Variants in IFI27 observed in about 807,000 individuals in gnomAD.
The protein encoded by IFI27 is interferon alpha inducible protein 27.
A neutral mutation model predicts 8.9 loss-of-function variants in IFI27; 3 were observed. The observed-to-expected ratio is 0.34, with a 90% CI of 0.15 to 0.87. The LOEUF is 0.87. Ranked by LOEUF, IFI27 falls within the 40% of genes least tolerant of loss-of-function variation. The pLI, the probability that IFI27 is intolerant of heterozygous loss-of-function variation, is 0.51. For missense variants in IFI27, 152 were observed against 157.7 expected, an observed-to-expected ratio of 0.96 and a Z score of 0.19; for synonymous variants, 66 against 67.3, an observed-to-expected ratio of 0.98 and a Z score of 0.09.
rs1480663104 is a variant in IFI27 at position 94,111,479 on chromosome 14, C to T, written c.-58-146C>T. On this transcript the variant is annotated intron_variant, in intron 1 of 4. Coordinates refer to ENST00000621160, the Ensembl canonical transcript of IFI27. This position sits in a 1 kb window ranked among gnomAD's most constrained non-coding sequence, Gnocchi z 4.3. The stretch of plus-strand genomic sequence containing the variant: ...AACTCCCCAACATCCCTCCCTCCCT[C>T]ACCCCAGGATCCTTTCAAGGCCTGC... 4 of 578,984 alleles carry T rather than the reference C, an allele frequency of 6.9e-6. No individual in the cohort carries two copies. Among genetic ancestry groups the T allele is most frequent in the African/African-American group, 3.7e-5 (2 of 53,624 alleles). 35.9% of individuals were successfully genotyped at this position (578,984 alleles called of 1,614,324 possible). A position where few individuals can be genotyped will look rare whatever the true frequency, so the allele number is the denominator to read the frequency against.
chr14:94,108,896 G>C (rs148701794), upstream of IFI27, among the ~76,000 whole-genome samples: 1 of 152,308 alleles, frequency 6.6e-6, no homozygotes, highest in East Asian at 1.9e-4. Flanking sequence ...AAAGGAAAAA[G>C]CTGGGGATTT....
At position 94,111,954 on chromosome 14, in the gene IFI27, C is replaced by T. The variant is rs1353374770; in HGVS notation, c.91+181C>T. 5 of 645,020 alleles carry T rather than the reference C, an allele frequency of 7.8e-6. No homozygotes were observed. The East Asian group carries it at 1.4e-4, about 18-fold the overall frequency. The allele number at this position is 645,020 out of a possible 1,614,324, so 40.0% of individuals were successfully genotyped here. On this transcript the variant is annotated intron_variant, in intron 2 of 4. Transcript: ENST00000621160. This position sits in a 1 kb window ranked among gnomAD's most constrained non-coding sequence, Gnocchi z 4.3. ...CATCTGGGAGGGGGCCCGGGGCAGG[C>T]AGACTCTGGCCAGATGCCCAGCCCT...
Position 94,111,890 on chromosome 14 carries a change from T to C in IFI27, c.91+117T>C. The C allele has an allele frequency of 2.4e-6, 2 of 823,884 alleles. No individual in the cohort carries two copies. The highest frequency in any genetic ancestry group is 4.1e-6 in the Non-Finnish European group (2 of 482,756). The allele number at this position is 823,884 out of a possible 1,614,324, so 51.0% of individuals were successfully genotyped here. Reference sequence around the variant, plus strand: ...GGGGACACCCGCAGCCTTGCTGCCCTGTCCTGTCTTCTCACAGCAGGCGTC... The same window carrying C: ...GGGGACACCCGCAGCCTTGCTGCCCCGTCCTGTCTTCTCACAGCAGGCGTC... On this transcript the variant is annotated intron_variant, in intron 2 of 4. Transcript: ENST00000621160. The surrounding 1 kb of genome is among the most constrained non-coding windows in gnomAD (Gnocchi z 4.3).
rs940730750 is a variant in IFI27, at chr14:94,116,326, G to T, written c.284-116G>T. 1.4e-6 allele frequency: 1 copy of T among 728,152 alleles called. No homozygotes were observed. The allele number at this position is 728,152 out of a possible 1,614,324, so 45.1% of individuals were successfully genotyped here. On this transcript the variant is annotated intron_variant, in intron 4 of 4. Transcript: ENST00000621160. The surrounding 1 kb of genome is among the most constrained non-coding windows in gnomAD (Gnocchi z 4.3). ...GGAAACAGAGAGGGGAACTGGGTGGGGTCTGTAAGCCTCAGCCCCTGCTGA... is the reference window on the plus strand; with the variant it reads ...GGAAACAGAGAGGGGAACTGGGTGGTGTCTGTAAGCCTCAGCCCCTGCTGA...
rs1887320308 is a variant in IFI27, at chr14:94,114,681, C to T, written c.92-170C>T. The T allele has an allele frequency of 2.0e-5, 13 of 658,288 alleles. No homozygotes were observed. In the East Asian group the frequency reaches 3.5e-4, roughly 18 times the overall value. 40.8% of individuals were successfully genotyped at this position (658,288 alleles called of 1,614,324 possible). ...CTCCCCAGTGATCCTCACCCTCCTC[C>T]AGAATTTCCACTTCCCGAAATGAAG... On this transcript the variant is annotated intron_variant, in intron 2 of 4. Coordinates refer to ENST00000621160, the Ensembl canonical transcript of IFI27.
At chr14:94,107,842 TC>T (rs1290869341), upstream of IFI27, among the ~76,000 whole-genome samples, 2 of 152,236 alleles carry the variant, frequency 1.3e-5, no homozygotes, top group African/African-American at 4.8e-5. Flanking sequence ...TGGAGGAATT[TC>T]TTTTTTTTAA....
intron 3 of IFI27, 43 bp downstream of exon 3, chr14:94,114,923 G>A (rs369478696): frequency 1.3e-6 from 2 of 1,592,292 alleles, no homozygotes; most frequent in Admixed American, 1.7e-5. Context: ...CCTGCCCCTA[G>A]GGAGGTGGAC....
chr14:94,115,307 C>G (rs1283748884), intron 3 of IFI27: 2 of 524,988 alleles, frequency 3.8e-6, no homozygotes, highest in Non-Finnish European at 7.3e-6. Flanking sequence ...GCTCAGCTCC[C>G]TTTGGTTTAG....
chr14:94,116,080 T>C lies in IFI27; in HGVS notation c.283+138T>C, dbSNP rs1887397178. 3 of 1,000,452 alleles carry C rather than the reference T, an allele frequency of 3.0e-6. No homozygotes were observed. The highest frequency in any genetic ancestry group is 1.6e-5 in the African/African-American group (1 of 63,012). The allele number at this position is 1,000,452 out of a possible 1,614,324, so 62.0% of individuals were successfully genotyped here. Reference sequence around the variant, plus strand: ...TCTCTACACATTCTCTCAGGGTTTCTCTGAGGGAGATGGAGGAGGGAGGGA... The same window carrying C: ...TCTCTACACATTCTCTCAGGGTTTCCCTGAGGGAGATGGAGGAGGGAGGGA... On this transcript the variant is annotated intron_variant, in intron 4 of 4. Transcript: ENST00000621160. This position sits in a 1 kb window ranked among gnomAD's most constrained non-coding sequence, Gnocchi z 4.3.
At chr14:94,114,186 T>A (rs1567079195) in intron 2 of IFI27, 1 of 152,298 alleles carries the variant, frequency 6.6e-6, no homozygotes, top group Admixed American at 6.5e-5. Flanking sequence ...TGCTCTCATG[T>A]GGCATTCAAG....
chr14:94,116,140 ACT>A lies in IFI27; in HGVS notation c.283+200_283+201del. On this transcript the variant is annotated intron_variant, in intron 4 of 4. Coordinates refer to ENST00000621160, the Ensembl canonical transcript of IFI27. This position sits in a 1 kb window ranked among gnomAD's most constrained non-coding sequence, Gnocchi z 4.3. ...AGCCAGGAACAGTGCACTCAGGAAG[ACT>A]CAGCCCGAAGCAGATTTGCTGGGTT... 1.3e-6 allele frequency: 1 copy of A among 761,938 alleles called. No individual in the cohort carries two copies. The highest frequency in any genetic ancestry group is 2.3e-6 in the Non-Finnish European group (1 of 440,486). 47.2% of individuals were successfully genotyped at this position (761,938 alleles called of 1,614,324 possible).
At chr14:94,115,784 TGGCCATGGC>T (rs3064076) in exon 4 of IFI27, 596,430 of 1,606,880 alleles carry the variant, frequency 0.37, 113,199 homozygotes, top group Admixed American at 0.42. Context: ...CCTGCAGTTG[TGGCCATGGC>T]GGCTGTGCCC....
upstream of IFI27, among the ~76,000 whole-genome samples, chr14:94,107,434 C>G (rs1355955979): frequency 2.6e-5 from 4 of 152,140 alleles, no homozygotes; most frequent in East Asian, 5.8e-4. Flanking sequence ...TTTTGGTATA[C>G]TCTGAATGTT....
chr14:94,114,824 C>T (rs1325230260), intron 2 of IFI27, 27 bp from the exon 3 acceptor site: 1 of 1,613,364 alleles, frequency 6.2e-7, no homozygotes, highest in African/African-American at 1.3e-5. Flanking sequence ...TGTGGATCTA[C>T]TCACAGAATG....
In IFI27 at chr14:94,115,961, C is replaced by T; in HGVS notation, c.283+19C>T. 1 of 1,559,450 alleles carries T rather than the reference C, an allele frequency of 6.4e-7. No homozygotes were observed. Among genetic ancestry groups the T allele is most frequent in the Non-Finnish European group, 8.7e-7 (1 of 1,151,522 alleles). On this transcript the variant is annotated intron_variant, in intron 4 of 4. Transcript: ENST00000621160. ...TCACTGGGTAAGTATCCTGGCGGGG[C>T]TTGCTGGGGAGGGCGATGAGGAGGG...
In IFI27 at chr14:94,116,298, C is replaced by A; in HGVS notation, c.284-144C>A. ...TCCCCAAACAAAGACCCCGAGGGTA[C>A]TGGGAAACAGAGAGGGGAACTGGGT... On this transcript the variant is annotated intron_variant, in intron 4 of 4. Transcript: ENST00000621160. This position sits in a 1 kb window ranked among gnomAD's most constrained non-coding sequence, Gnocchi z 4.3. The A allele has an allele frequency of 1.5e-6, 1 of 670,084 alleles. No individual in the cohort carries two copies. The highest frequency in any genetic ancestry group is 2.7e-5 in the East Asian group (1 of 36,910). 41.5% of individuals were successfully genotyped at this position (670,084 alleles called of 1,614,324 possible). A position where few individuals can be genotyped will look rare whatever the true frequency, so the allele number is the denominator to read the frequency against.
In IFI27 at chr14:94,115,954, G is replaced by A. The variant is rs1295109594; in HGVS notation, c.283+12G>A. The A allele has an allele frequency of 2.6e-6, 4 of 1,563,198 alleles. No homozygotes were observed. The South Asian group carries it at 3.5e-5, about 14-fold the overall frequency. On this transcript the variant is annotated intron_variant, in intron 4 of 4. Coordinates refer to ENST00000621160, the Ensembl canonical transcript of IFI27. ...TCTGCAGTCACTGGGTAAGTATCCT[G>A]GCGGGGCTTGCTGGGGAGGGCGATG... is the stretch of plus-strand genomic sequence containing the variant.
chr14:94,111,170 C>T lies in IFI27; in HGVS notation c.-59+373C>T, dbSNP rs891239764. ...TGGAGCAAATCACTGAGCCAGATCG[C>T]GCTCCCTCATCTGTAACATGCGGAG... On this transcript the variant is annotated intron_variant, in intron 1 of 4. Transcript: ENST00000621160. This position sits in a 1 kb window ranked among gnomAD's most constrained non-coding sequence, Gnocchi z 4.3. Among the ~76,000 whole-genome samples the T allele has an allele frequency of 1.5e-4, 23 of 152,276 alleles. No individual in the cohort carries two copies. Among genetic ancestry groups the T allele is most frequent in the African/African-American group, 4.8e-4 (20 of 41,548 alleles).
chr14:94,116,378 G>T lies in IFI27; in HGVS notation c.284-64G>T. The T allele has an allele frequency of 1.7e-6, 2 of 1,175,490 alleles. No individual in the cohort carries two copies. The highest frequency in any genetic ancestry group is 1.3e-5 in the South Asian group (1 of 77,724). The allele number at this position is 1,175,490 out of a possible 1,614,324, so 72.8% of individuals were successfully genotyped here. A position where few individuals can be genotyped will look rare whatever the true frequency, so the allele number is the denominator to read the frequency against. ...GGTCACTGGAGTCTCTGACCCCACA[G>T]TCCTGCCCACAGAGCTTCCCCGACA... On this transcript the variant is annotated intron_variant, in intron 4 of 4. Transcript: ENST00000621160. This position sits in a 1 kb window ranked among gnomAD's most constrained non-coding sequence, Gnocchi z 4.3.
Sources: gnomAD v4.1 joint callset for allele counts (sites outside exome capture counted in the v4.1 genomes callset) on GRCh38, gnomAD v4.1.1 for gene constraint, Gnocchi (gnomAD v3.1) non-coding constraint, MANE v1.5 for transcripts, NCBI Gene and HGNC (gene_info 2026-07-23, HGNC 2026-07-21) for gene names.